HELZ: variants seen among roughly 807,000 people sequenced by gnomAD.
HELZ encodes ATP-dependent RNA helicase with zinc finger domain.
Under a neutral mutation model 218.2 loss-of-function variants are expected in HELZ, and 23 were observed. The ratio of observed to expected loss-of-function variants is 0.11; its 90% CI spans 0.08 to 0.15. The LOEUF is 0.15. Among genes scored for constraint, HELZ ranks in the 10% least tolerant of loss-of-function variants. The pLI, the probability that HELZ is intolerant of heterozygous loss-of-function variation, is 1.00. For missense variants in HELZ, 1,813 were observed against 2,353.7 expected (o/e 0.77, Z 4.75); for synonymous variants, 814 against 829.4 (o/e 0.98, Z 0.32).
At chr17:67,193,212 G>C (rs1431178714) in intron 9 of HELZ, among the ~76,000 whole-genome samples, 1 of 151,956 alleles carries the variant, frequency 6.6e-6, no homozygotes. Context: ...AGGCTTGGTG[G>C]CACACGCCTG....
chr17:67,077,069 T>C lies in HELZ; in HGVS notation c.*1183A>G, dbSNP rs1355640780. On this transcript the variant is annotated 3_prime_UTR_variant, in exon 33 of 33. Coordinates refer to ENST00000358691, the MANE Select transcript of HELZ (RefSeq NM_014877.4). ...TTAAGATGGCTATTTAAATTTTATA[T>C]TGTGTACAAGTTCAATAAGGGGTAT... is the stretch of plus-strand genomic sequence containing the variant. 2 of 152,200 alleles carry C rather than the reference T, an allele frequency of 1.3e-5. No individual in the cohort carries two copies. Among genetic ancestry groups the C allele is most frequent in the African/African-American group, 2.4e-5 (1 of 41,440 alleles). 9.4% of individuals were successfully genotyped at this position (152,200 alleles called of 1,614,324 possible).
At position 67,108,462 on chromosome 17, in the gene HELZ, C is replaced by A; in HGVS notation, c.4724+30G>T. ...AAGAGAACAGTGAGGGGGTCGCATT[C>A]CAGGGGCTATTTTCAGTCCGCTGGA... On this transcript the variant is annotated intron_variant, in intron 30 of 32. Transcript: ENST00000358691. The surrounding 1 kb of genome is among the most constrained non-coding windows in gnomAD (Gnocchi z 4.1). The A allele has an allele frequency of 6.4e-7, 1 of 1,550,456 alleles. No homozygotes were observed. Among genetic ancestry groups the A allele is most frequent in the South Asian group, 1.1e-5 (1 of 89,534 alleles).
At chr17:67,238,153 G>A (rs1338189084) in intron 3 of HELZ, among the ~76,000 whole-genome samples, 1 of 151,296 alleles carries the variant, frequency 6.6e-6, no homozygotes, top group Non-Finnish European at 1.5e-5. Context: ...AGACCAGCCT[G>A]GCCAACATAA....
At chr17:67,089,647 TTATATATA>T (rs371659847) in intron 31 of HELZ, among the ~76,000 whole-genome samples, 1 of 54,266 alleles carries the variant, frequency 1.8e-5, no homozygotes, top group African/African-American at 6.8e-5. Flanking sequence ...ATTGGAGATT[TTATATATA>T]TATATATATA....
rs760156055 is a variant in HELZ, at chr17:67,138,091, T to C, written c.2793A>G (p.Val931=). The C allele has an allele frequency of 1.0e-4, 168 of 1,612,920 alleles. 2 individuals are homozygous for C. The Admixed American group carries it at 2.8e-3, about 26-fold the overall frequency. Residue 931 remains valine (V), a synonymous_variant, in exon 22 of 33, where the codon GTA becomes GTG. Coordinates refer to ENST00000358691, the MANE Select transcript of HELZ (RefSeq NM_014877.4). ...NAEVFEVVER[V]EELRRKWPVA... is the part of the protein sequence containing the mutation. ...CTGGCCACTTCCTTCTTAACTCTTCTACACGTTCCACCACTTCAAACACCT... is the reference window on the plus strand; with the variant it reads ...CTGGCCACTTCCTTCTTAACTCTTCCACACGTTCCACCACTTCAAACACCT...
Position 67,178,756 on chromosome 17 carries a change from A to C in HELZ, c.1333T>G (p.Ser445Ala). 6.2e-7 allele frequency: 1 copy of C among 1,613,996 alleles called. No homozygotes were observed. Among genetic ancestry groups the C allele is most frequent in the Non-Finnish European group, 8.5e-7 (1 of 1,179,922 alleles). Residue 445 changes from serine to alanine, a missense_variant, in exon 13 of 33, where the codon TCC becomes GCC. By Grantham distance (99) the Ser-to-Ala change is moderately conservative. Transcript: ENST00000358691. ...TTGGTCAATGATTTGTCTAAAACGG[A>C]CTGAGTAAATAGCTGGTCAGCAGAG... ...PLSADQLFTQSVLDKSLTKSN... is the reference protein window; with the variant it reads ...PLSADQLFTQAVLDKSLTKSN...
In HELZ at chr17:67,107,455, C is replaced by T. The variant is rs181054982; in HGVS notation, c.4955G>A (p.Arg1652His). The T allele has an allele frequency of 9.5e-5, 154 of 1,614,050 alleles. No individual in the cohort carries two copies. The highest frequency in any genetic ancestry group is 4.8e-4 in the Admixed American group (29 of 59,992). The change falls in exon 31 of 33, where the codon CGC becomes CAC. Residue 1652 changes from arginine to histidine, a missense_variant. By Grantham distance (29) the Arg-to-His change is conservative. This residue lies in a region of HELZ where 938 missense variants were observed against 1,027.5 expected (regional missense o/e 0.91). Coordinates refer to ENST00000358691, the MANE Select transcript of HELZ (RefSeq NM_014877.4). ...EVASNPAFPQRLPPQIFNSPF... is the reference protein window; with the variant it reads ...EVASNPAFPQHLPPQIFNSPF... ...TGAGTTGAATATCTGGGGTGGGAGGCGCTGTGGAAATGCTGGGTTGCTGGC... is the reference window on the plus strand; with the variant it reads ...TGAGTTGAATATCTGGGGTGGGAGGTGCTGTGGAAATGCTGGGTTGCTGGC...
At chr17:67,166,698 G>T in intron 14 of HELZ, 90 bp from the exon 15 acceptor site, 1 of 1,066,156 alleles carries the variant, frequency 9.4e-7, no homozygotes, top group Non-Finnish European at 1.4e-6. Flanking sequence ...GAATCTGTTT[G>T]GGACAGTAAG....
intron 3 of HELZ, among the ~76,000 whole-genome samples, chr17:67,224,138 G>A (rs1022622669): frequency 6.6e-6 from 1 of 152,158 alleles, no homozygotes; most frequent in African/African-American, 2.4e-5. Flanking sequence ...TCACAGCCCT[G>A]AACACAGGGA....
intron 5 of HELZ, among the ~76,000 whole-genome samples, chr17:67,206,464 G>C (rs541153196): frequency 2.0e-4 from 30 of 152,280 alleles, no homozygotes; most frequent in African/African-American, 7.2e-4. Context: ...ACAAGGCAAG[G>C]ATTAACAATT....
rs555811419 is a variant in HELZ at position 67,230,690 on chromosome 17, T to C, written c.-19+8743A>G. On this transcript the variant is annotated intron_variant, in intron 3 of 32. Transcript: ENST00000358691. Reference sequence around the variant, plus strand: ...AAGAAAATTATATTACTATAAAACATTGTCTATTCTTTTTGTTTCTTGATT... The same window carrying C: ...AAGAAAATTATATTACTATAAAACACTGTCTATTCTTTTTGTTTCTTGATT... 5.9e-5 allele frequency among the ~76,000 whole-genome samples: 9 copies of C among 151,706 alleles called. No individual in the cohort carries two copies. In the South Asian group the frequency reaches 6.2e-4, roughly 11 times the overall value.
In HELZ at chr17:67,086,631, A is replaced by AATATAAATATATATATAT. The variant is rs914625902; in HGVS notation, c.5494+197_5494+198insATATATATATATTTATAT. Among the ~76,000 whole-genome samples the AATATAAATATATATATAT allele has an allele frequency of 1.5e-3, 136 of 93,240 alleles. 1 individual carries two copies. The highest frequency in any genetic ancestry group is 5.7e-3 in the African/African-American group (119 of 20,736). 61.2% of individuals were successfully genotyped at this position (93,240 alleles called of 152,430 possible). On this transcript the variant is annotated intron_variant, in intron 32 of 32. Coordinates refer to ENST00000358691, the MANE Select transcript of HELZ (RefSeq NM_014877.4). ...ATATATATAAATAAATATAAATATA[A>AATATAAATATATATATAT]ATATATATATATATATATATATATA...
chr17:67,119,864 C>A, intron 27 of HELZ: 1 of 370,430 alleles, frequency 2.7e-6, no homozygotes, highest in Non-Finnish European at 5.1e-6. Context: ...CTCAGTGACA[C>A]CAATCATAAG....
intron 9 of HELZ, among the ~76,000 whole-genome samples, chr17:67,190,916 G>C (rs976628221): frequency 6.6e-6 from 1 of 152,004 alleles, no homozygotes; most frequent in Non-Finnish European, 1.5e-5. Context: ...CATCATCTTG[G>C]CCAGGCTGGT....
intron 5 of HELZ, among the ~76,000 whole-genome samples, chr17:67,205,786 C>T (rs150190334): frequency 1.3e-5 from 2 of 152,308 alleles, no homozygotes; most frequent in Non-Finnish European, 2.9e-5. Flanking sequence ...AAGTTTCTTC[C>T]ACTACATTGC....
intron 24 of HELZ, among the ~76,000 whole-genome samples, chr17:67,128,171 A>G (rs2037862178): frequency 6.6e-6 from 1 of 152,230 alleles, no homozygotes; most frequent in Non-Finnish European, 1.5e-5. Context: ...AGTCATCTTC[A>G]AGAAGTCAGC....
chr17:67,225,072 T>A (rs758310315), intron 3 of HELZ: 21 of 560,716 alleles, frequency 3.7e-5, no homozygotes, highest in Non-Finnish European at 6.2e-5. Flanking sequence ...GACAATAAAA[T>A]CTTGAGTTTA....
chr17:67,153,579 T>C (rs1339594219), intron 17 of HELZ, among the ~76,000 whole-genome samples: 2 of 152,222 alleles, frequency 1.3e-5, no homozygotes, highest in East Asian at 3.9e-4. Context: ...AAAATGAGTA[T>C]AATAATTCAA....
Position 67,203,442 on chromosome 17 carries a change from C to A in HELZ, c.249G>T (p.Val83=). The part of the protein sequence containing the change: ...YVQADEDCRH[V]LGEGLAKGED... ...CTCCCTTGGCCAGTCCTTCTCCCAG[C>A]ACTGCCATGAAAGAACAGCCATCAT... Residue 83 remains valine (V), a splice_region_variant and synonymous_variant, in exon 6 of 33, where the codon GTG becomes GTT. Transcript: ENST00000358691. The A allele has an allele frequency of 6.2e-7, 1 of 1,613,494 alleles. No homozygotes were observed. Among genetic ancestry groups the A allele is most frequent in the Non-Finnish European group, 8.5e-7 (1 of 1,179,734 alleles).
Sources: allele counts gnomAD v4.1 joint callset (sites outside exome capture counted in the v4.1 genomes callset), GRCh38; gene constraint gnomAD v4.1.1; regional missense constraint gnomAD v4.1.1; non-coding constraint Gnocchi (gnomAD v3.1); transcripts MANE v1.5; gene names NCBI Gene and HGNC (gene_info 2026-07-23, HGNC 2026-07-21).